Variants in GIT2 observed in about 807,000 individuals in gnomAD.
GIT2 encodes the protein ARF GTPase-activating protein GIT2.
Under a neutral mutation model 100.3 loss-of-function variants are expected in GIT2, and 32 were observed. The observed-to-expected ratio is 0.32, with a 90% CI of 0.24 to 0.43. The LOEUF (loss-of-function observed/expected upper bound fraction) is 0.43. GIT2 is among the 20% of genes least tolerant of loss of function. The pLI is 1.00. For synonymous variants in GIT2, 353 were observed against 364.1 expected, an observed-to-expected ratio of 0.97 and a Z score of 0.35; for missense variants, 737 against 975.1, an observed-to-expected ratio of 0.76 and a Z score of 3.25.
At chr12:109,967,391 T>A in intron 8 of GIT2, 67 bp downstream of exon 8, 3 of 1,511,428 alleles carry the variant, frequency 2.0e-6, no homozygotes, top group Non-Finnish European at 2.8e-6. Context: ...TATAATATAC[T>A]TAAACATAAT....
intron 11 of GIT2, among the ~76,000 whole-genome samples, chr12:109,960,416 G>A (rs1880759271): frequency 6.6e-6 from 1 of 151,908 alleles, no homozygotes. Flanking sequence ...TTGAGGTCAG[G>A]ACTTTGTACA....
rs1488418437 is a variant in GIT2 at position 109,947,093 on chromosome 12, A to C, written c.1641+163T>G. ...CCCATGGCCCTGTGTGCTTGTGGGA[A>C]TATCGCAAGCATCTGTGGACATGTT... On this transcript the variant is annotated intron_variant, in intron 15 of 19. Transcript: ENST00000355312. The surrounding 1 kb of genome is among the most constrained non-coding windows in gnomAD (Gnocchi z 4.3). 6.6e-6 allele frequency among the ~76,000 whole-genome samples: 1 copy of C among 152,194 alleles called. No homozygotes were observed. Among genetic ancestry groups the C allele is most frequent in the Non-Finnish European group, 1.5e-5 (1 of 68,036 alleles).
intron 16 of GIT2, chr12:109,940,451 G>C (rs1301765527): frequency 6.6e-6 from 1 of 152,096 alleles, no homozygotes; most frequent in East Asian, 1.9e-4. Flanking sequence ...TCAAAACATG[G>C]GACTAAGGAG....
intron 7 of GIT2, among the ~76,000 whole-genome samples, chr12:109,973,938 A>G (rs1336303016): frequency 6.6e-6 from 1 of 151,946 alleles, no homozygotes; most frequent in Non-Finnish European, 1.5e-5. Flanking sequence ...GTTCCTCAGG[A>G]GGCTGAGGCA....
intron 7 of GIT2, among the ~76,000 whole-genome samples, chr12:109,968,064 G>C (rs988209610): frequency 6.6e-6 from 1 of 152,174 alleles, no homozygotes; most frequent in Non-Finnish European, 1.5e-5. Context: ...TTTAACATAA[G>C]TCTATCTTTC....
At position 109,948,972 on chromosome 12, in the gene GIT2, T is replaced by A. The variant is rs988962479; in HGVS notation, c.1393-1468A>T. On this transcript the variant is annotated intron_variant, in intron 14 of 19. Transcript: ENST00000355312. The surrounding 1 kb of genome is among the most constrained non-coding windows in gnomAD (Gnocchi z 4.3). ...CTAAATAAACAAATTCCATATACTT[T>A]ATATTAATCATGCCAAACTGCTGTG... is the stretch of plus-strand genomic sequence containing the variant. 1 of 646,688 alleles carries A rather than the reference T, an allele frequency of 1.5e-6. No individual in the cohort carries two copies. Among genetic ancestry groups the A allele is most frequent in the Non-Finnish European group, 2.6e-6 (1 of 380,460 alleles). 40.1% of individuals were successfully genotyped at this position (646,688 alleles called of 1,614,324 possible).
intron 2 of GIT2, 87 bp downstream of exon 2, chr12:109,991,540 G>T: frequency 9.9e-7 from 1 of 1,009,608 alleles, no homozygotes. Flanking sequence ...TCTTATGGAA[G>T]AAGTACACCA....
chr12:109,945,077 C>T (rs1427966140), intron 16 of GIT2, among the ~76,000 whole-genome samples, 183 bp downstream of exon 16: 1 of 152,110 alleles, frequency 6.6e-6, no homozygotes, highest in Non-Finnish European at 1.5e-5. Context: ...GAGGCGCCCT[C>T]GATGGGTGAG....
At position 109,948,369 on chromosome 12, in the gene GIT2, A is replaced by C; in HGVS notation, c.1393-865T>G. The C allele has an allele frequency of 2.0e-6, 2 of 991,766 alleles. No individual in the cohort carries two copies. Among genetic ancestry groups the C allele is most frequent in the Non-Finnish European group, 2.4e-6 (2 of 834,176 alleles). 61.4% of individuals were successfully genotyped at this position (991,766 alleles called of 1,614,324 possible). ...CAGTGGTGTCAGCTTTGAACATGCT[A>C]ATCTGCCTGGCACCACCCCATTTTA... On this transcript the variant is annotated intron_variant, in intron 14 of 19. Coordinates refer to ENST00000355312, the MANE Select transcript of GIT2 (RefSeq NM_057169.5). The surrounding 1 kb of genome is among the most constrained non-coding windows in gnomAD (Gnocchi z 4.3).
Position 109,948,336 on chromosome 12 carries a change from CACG to C in GIT2, c.1393-835_1393-833del, listed in dbSNP as rs1876898180. 8 of 987,888 alleles carry C rather than the reference CACG, an allele frequency of 8.1e-6. No individual in the cohort carries two copies. The highest frequency in any genetic ancestry group is 7.2e-6 in the Non-Finnish European group (6 of 831,690). The allele number at this position is 987,888 out of a possible 1,614,324, so 61.2% of individuals were successfully genotyped here. On this transcript the variant is annotated intron_variant, in intron 14 of 19. Transcript: ENST00000355312. The surrounding 1 kb of genome is among the most constrained non-coding windows in gnomAD (Gnocchi z 4.3). ...TCCTTTGGCTTTGTCACCCAAAAAA[CACG>C]ACCTCAGTGGTGTCAGCTTTGAACA... is the stretch of plus-strand genomic sequence containing the variant.
chr12:109,999,859 C>T, upstream of GIT2: 1 of 1,332,076 alleles, frequency 7.5e-7, no homozygotes. The surrounding 1 kb of genome is among the most constrained non-coding windows in gnomAD (Gnocchi z 4.3). Flanking sequence ...TCCCTGAGCC[C>T]ATTTCCAGCC....
upstream of GIT2, chr12:109,998,431 A>AT (rs1214511832): frequency 6.6e-6 from 1 of 152,252 alleles, no homozygotes; most frequent in Non-Finnish European, 1.5e-5. Context: ...TTCACAATGC[A>AT]TTAAATAGCT....
At chr12:109,967,597 G>T in intron 7 of GIT2, 94 bp from the exon 8 acceptor site, 2 of 895,738 alleles carry the variant, frequency 2.2e-6, no homozygotes, top group Non-Finnish European at 1.9e-6. Context: ...TAAGTTTTGC[G>T]ATTAGTATTT....
chr12:109,952,579 G>A (rs1156338516), intron 13 of GIT2: 1 of 519,032 alleles, frequency 1.9e-6, no homozygotes, highest in African/African-American at 1.9e-5. Context: ...CTTCCCCTTA[G>A]ATGCCCTGGT....
chr12:109,947,250 A>AC lies in GIT2; in HGVS notation c.1641+5dup. The AC allele has an allele frequency of 6.2e-7, 1 of 1,611,170 alleles. No individual in the cohort carries two copies. The highest frequency in any genetic ancestry group is 8.5e-7 in the Non-Finnish European group (1 of 1,178,008). On this transcript the variant is annotated splice_donor_region_variant and intron_variant, in intron 15 of 19. Transcript: ENST00000355312. This position sits in a 1 kb window ranked among gnomAD's most constrained non-coding sequence, Gnocchi z 4.3. ...GAACAGCAGAAGCGCCAGTGGTGTT[A>AC]CTTACGTGCGCGGGGAAGGGCTGGA...
chr12:109,964,251 CACAG>C (rs1374519056), intron 9 of GIT2, among the ~76,000 whole-genome samples: 9 of 152,098 alleles, frequency 5.9e-5, no homozygotes, highest in Non-Finnish European at 1.3e-4. Context: ...CAATAAAACA[CACAG>C]ACACACAAAA....
At position 109,989,783 on chromosome 12, in the gene GIT2, T is replaced by G. The variant is rs1055314397; in HGVS notation, c.206A>C (p.Asn69Thr). The change falls in exon 3 of 20, where the codon AAT (asparagine) becomes ACT (threonine). Residue 69 changes from asparagine (N) to threonine (T), a missense_variant. By Grantham distance (65) the Asn-to-Thr change is moderately conservative. Coordinates refer to ENST00000355312, the MANE Select transcript of GIT2 (RefSeq NM_057169.5). ...TLLQMVETLY[N>T]NGANSIWEHS... ...CTCCCATATAGAGTTAGCACCGTTA[T>G]TATACAAGGTCTCAACCATCTAAAA... 8.1e-6 allele frequency: 13 copies of G among 1,595,552 alleles called. No individual in the cohort carries two copies. Among genetic ancestry groups the G allele is most frequent in the Non-Finnish European group, 9.5e-6 (11 of 1,163,324 alleles).
chr12:109,967,644 A>G, intron 7 of GIT2, 141 bp from the exon 8 acceptor site: 3 of 659,674 alleles, frequency 4.5e-6, no homozygotes, highest in Non-Finnish European at 8.1e-6. Flanking sequence ...GACTAGCTAA[A>G]AATTCCTGAA....
chr12:109,953,447 C>T (rs1565955830), intron 12 of GIT2: 2 of 513,312 alleles, frequency 3.9e-6, no homozygotes, highest in Non-Finnish European at 7.0e-6. Flanking sequence ...AATGAGACTC[C>T]ATCCCTACAC....
Sources: gnomAD v4.1 joint callset for allele counts (sites outside exome capture counted in the v4.1 genomes callset) on GRCh38, gnomAD v4.1.1 for gene constraint, Gnocchi (gnomAD v3.1) non-coding constraint, MANE v1.5 for transcripts, NCBI Gene and HGNC (gene_info 2026-07-23, HGNC 2026-07-21) for gene names.